Variants in DIP2C observed in about 807,000 individuals in gnomAD.
The protein encoded by DIP2C is DIP2 acetate--CoA ligase C (putative).
Under a neutral mutation model 192.4 loss-of-function variants are expected in DIP2C, and 33 were observed. The ratio of observed to expected loss-of-function variants is 0.17; its 90% CI spans 0.13 to 0.23. The LOEUF (loss-of-function observed/expected upper bound fraction) is 0.23. DIP2C is among the 10% of genes least tolerant of loss of function. DIP2C has a pLI of 1.00. For missense variants in DIP2C, 1,537 were observed against 2,110.1 expected (o/e 0.73, Z 5.32); for synonymous variants, 979 against 864.1 (o/e 1.13, Z -2.33).
At chr10:346,439 A>G (rs1589556575) in intron 26 of DIP2C, among the ~76,000 whole-genome samples, 1 of 53,698 alleles carries the variant, frequency 1.9e-5, no homozygotes, top group Admixed American at 2.2e-4. Flanking sequence ...GTTCTCCCGG[A>G]AACGTCACAC....
chr10:295,225 C>T (rs3097722), intron 32 of DIP2C, among the ~76,000 whole-genome samples: 150,525 of 152,174 alleles, frequency 0.99, 74,469 homozygotes, highest in Middle Eastern at 1. Flanking sequence ...ACTAGGGAGG[C>T]AAAAGTCAAA....
At chr10:581,546 T>C (rs1024738988) in intron 1 of DIP2C, among the ~76,000 whole-genome samples, 2 of 152,202 alleles carry the variant, frequency 1.3e-5, no homozygotes, top group South Asian at 4.1e-4. Context: ...ATCTGGAAGA[T>C]TTATACTAAA....
intron 29 of DIP2C, among the ~76,000 whole-genome samples, chr10:332,107 T>C (rs1957534411): frequency 6.6e-6 from 1 of 152,110 alleles, no homozygotes; most frequent in African/African-American, 2.4e-5. Context: ...CATACCACCA[T>C]GACTGGCTAA....
intron 1 of DIP2C, among the ~76,000 whole-genome samples, chr10:617,651 TACCACCCC>T (rs1223895767): frequency 7.2e-6 from 1 of 138,020 alleles, no homozygotes; most frequent in African/African-American, 3.1e-5. Context: ...CTCCTGTGGA[TACCACCCC>T]CCCACCCCCA....
intron 1 of DIP2C, among the ~76,000 whole-genome samples, chr10:561,340 A>G (rs531850244): frequency 6.6e-6 from 1 of 152,312 alleles, no homozygotes; most frequent in South Asian, 2.1e-4. Flanking sequence ...TGCCCACTGT[A>G]CGAGAAGTCT....
intron 1 of DIP2C, among the ~76,000 whole-genome samples, chr10:555,232 T>C (rs1848787921): frequency 6.6e-6 from 1 of 152,008 alleles, no homozygotes; most frequent in Non-Finnish European, 1.5e-5. Flanking sequence ...CTCTCCTCAC[T>C]GCCCCATGAG....
chr10:645,259 G>A (rs192611517), intron 1 of DIP2C, among the ~76,000 whole-genome samples: 94 of 152,304 alleles, frequency 6.2e-4, no homozygotes, highest in Non-Finnish European at 1.5e-5. Flanking sequence ...AACAGCCTCA[G>A]ATCCAGCAGA....
intron 4 of DIP2C, among the ~76,000 whole-genome samples, chr10:439,251 T>G (rs1967523448): frequency 6.6e-6 from 1 of 151,074 alleles, no homozygotes; most frequent in Admixed American, 6.6e-5. Context: ...TAGCACGGCG[T>G]TCACTCCCTT....
At chr10:605,915 G>C (rs1479743731) in intron 1 of DIP2C, among the ~76,000 whole-genome samples, 1 of 152,166 alleles carries the variant, frequency 6.6e-6, no homozygotes, top group South Asian at 2.1e-4. Flanking sequence ...AGCCTTTCAG[G>C]CCGTGCCATT....
chr10:576,438 G>A (rs541045405), intron 1 of DIP2C, among the ~76,000 whole-genome samples: 9 of 152,352 alleles, frequency 5.9e-5, no homozygotes, highest in East Asian at 5.8e-4. Context: ...CACAAGTCCC[G>A]TATCTAAGCC....
intron 1 of DIP2C, among the ~76,000 whole-genome samples, chr10:495,274 A>G (rs1050589587): frequency 3.0e-4 from 46 of 152,296 alleles, no homozygotes; most frequent in African/African-American, 1.0e-3. Flanking sequence ...AGAAAAAATG[A>G]GTCAATTCTG....
intron 1 of DIP2C, among the ~76,000 whole-genome samples, chr10:495,715 C>CT (rs1384074340): frequency 1.3e-5 from 2 of 152,016 alleles, no homozygotes; most frequent in Non-Finnish European, 2.9e-5. Context: ...CACATGTGCC[C>CT]TCCCGTGTAC....
rs548934010 is a variant in DIP2C at position 578,969 on chromosome 10, G to T, written c.86-92439C>A. 2.6e-5 allele frequency among the ~76,000 whole-genome samples: 4 copies of T among 152,212 alleles called. No individual in the cohort carries two copies. In the East Asian group the frequency reaches 7.7e-4, roughly 29 times the overall value. On this transcript the variant is annotated intron_variant, in intron 1 of 36. Coordinates refer to ENST00000280886, the MANE Select transcript of DIP2C (RefSeq NM_014974.3). Reference sequence around the variant, plus strand: ...CGTGCATAGAGCATTCACACATCCAGATCCATGTAGTGTACATATGTAGGT... The same window carrying T: ...CGTGCATAGAGCATTCACACATCCATATCCATGTAGTGTACATATGTAGGT...
At chr10:503,479 G>C (rs910899524) in intron 1 of DIP2C, among the ~76,000 whole-genome samples, 1 of 152,176 alleles carries the variant, frequency 6.6e-6, no homozygotes, top group Non-Finnish European at 1.5e-5. Context: ...CTACAAGGGA[G>C]AAACAAATGG....
chr10:689,181 T>C lies in DIP2C; in HGVS notation c.85+313A>G, dbSNP rs1366375244. Among the ~76,000 whole-genome samples the C allele has an allele frequency of 7.3e-6, 1 of 137,492 alleles. No homozygotes were observed. Among genetic ancestry groups the C allele is most frequent in the Non-Finnish European group, 1.6e-5 (1 of 64,216 alleles). The allele number at this position is 137,492 out of a possible 152,430, so 90.2% of individuals were successfully genotyped here. A position where few individuals can be genotyped will look rare whatever the true frequency, so the allele number is the denominator to read the frequency against. ...CGGGGGGATCGCGGCCCCACAAACA[T>C]CCCAGGGCGCGGGGGATCGCGGCCC... On this transcript the variant is annotated intron_variant, in intron 1 of 36. Transcript: ENST00000280886. The surrounding 1 kb of genome is among the most constrained non-coding windows in gnomAD (Gnocchi z 6.1).
At chr10:684,861 G>A (rs1831252895) in intron 1 of DIP2C, among the ~76,000 whole-genome samples, 1 of 152,040 alleles carries the variant, frequency 6.6e-6, no homozygotes, top group Admixed American at 6.5e-5. Context: ...AGCCAGGCAC[G>A]GTGGCTCACG....
At position 364,584 on chromosome 10, in the gene DIP2C, T is replaced by TG; in HGVS notation, c.2269-3dup. On this transcript the variant is annotated splice_polypyrimidine_tract_variant and splice_region_variant and intron_variant, in intron 19 of 36. Transcript: ENST00000280886. ...CCCGGAGCTTGTCATGGGAAACACCTGGGGGAAACAGCATCCATCAGGCCA... is the reference window on the plus strand; with the variant it reads ...CCCGGAGCTTGTCATGGGAAACACCTGGGGGGAAACAGCATCCATCAGGCCA... 1 of 1,613,180 alleles carries TG rather than the reference T, an allele frequency of 6.2e-7. No individual in the cohort carries two copies. The highest frequency in any genetic ancestry group is 8.5e-7 in the Non-Finnish European group (1 of 1,179,310).
chr10:638,386 A>C (rs1382983536), intron 1 of DIP2C, among the ~76,000 whole-genome samples: 1 of 152,246 alleles, frequency 6.6e-6, no homozygotes, highest in Admixed American at 6.5e-5. Context: ...CTAACTATAA[A>C]GTGGCTCCTT....
chr10:658,071 G>A (rs1856504166), intron 1 of DIP2C, among the ~76,000 whole-genome samples: 1 of 151,894 alleles, frequency 6.6e-6, no homozygotes, highest in African/African-American at 2.4e-5. Context: ...ACCTGACGCT[G>A]GACCTGACAC....
Sources: gnomAD v4.1 joint callset for allele counts (sites outside exome capture counted in the v4.1 genomes callset) on GRCh38, gnomAD v4.1.1 for gene constraint, Gnocchi (gnomAD v3.1) non-coding constraint, MANE v1.5 for transcripts, NCBI Gene and HGNC (gene_info 2026-07-23, HGNC 2026-07-21) for gene names.